The following SLC26A9 variants were observed in gnomAD, a reference collection of about 807,000 sequenced individuals.
SLC26A9 encodes the protein solute carrier family 26 member 9.
SLC26A9 carries 46 observed loss-of-function variants against 87.1 expected under a neutral mutation model. The ratio of observed to expected loss-of-function variants is 0.53; its 90% confidence interval spans 0.42 to 0.67. SLC26A9 has a LOEUF of 0.67. Among genes scored for constraint, SLC26A9 ranks in the 30% least tolerant of loss-of-function variants. The pLI, the probability that SLC26A9 is intolerant of heterozygous loss-of-function variation, is 0.00. For synonymous variants in SLC26A9, 437 were observed against 409.1 expected, an observed-to-expected ratio of 1.07 and a Z score of -0.82; for missense variants, 927 against 1,018.3, an observed-to-expected ratio of 0.91 and a Z score of 1.22.
chr1:205,915,261 T>C lies in SLC26A9; in HGVS notation c.*96A>G. ...AACCCAAGCTCTGGGGGATGCACTT[T>C]CCTCCGCCCGACACCCCCTGTGACC... On this transcript the variant is annotated 3_prime_UTR_variant, in exon 21 of 21. Transcript: ENST00000367135. 1 of 1,600,004 alleles carries C rather than the reference T, an allele frequency of 6.2e-7. No individual in the cohort carries two copies. The highest frequency in any genetic ancestry group is 8.5e-7 in the Non-Finnish European group (1 of 1,171,924).
Position 205,918,933 on chromosome 1 carries a change from T to G in SLC26A9, c.2163A>C (p.Leu721=). 2 of 1,614,240 alleles carry G rather than the reference T, an allele frequency of 1.2e-6. No homozygotes were observed. The highest frequency in any genetic ancestry group is 1.7e-6 in the Non-Finnish European group (2 of 1,180,032). Residue 721 remains leucine (L), a synonymous_variant, in exon 19 of 21, where the codon CTA becomes CTC. Transcript: ENST00000367135. ...TGCTGGGAAAGACGTGCTTGCATTC[T>G]AGACTCCCATCCTCAAAGACGCCTC... ...SHGGVFEDGS[L]ECKHVFPSIH...
chr1:205,935,798 T>C lies in SLC26A9; in HGVS notation c.23A>G (p.Tyr8Cys). Residue 8 changes from tyrosine to cysteine, a missense_variant, in exon 2 of 21, where the codon TAC becomes TGC. Tyr to Cys is a radical substitution (Grantham distance 194). Coordinates refer to ENST00000367135, the MANE Select transcript of SLC26A9 (RefSeq NM_052934.4). MSQPRPR[Y>C]VVDRAAYSLT... ...GGAGTATGCGGCTCTGTCTACCACG[T>C]AGCGGGGCCTGGGCTGGCTCATATC... 6.2e-7 allele frequency: 1 copy of C among 1,613,756 alleles called. No homozygotes were observed.
rs776566196 is a variant in SLC26A9 at position 205,915,095 on chromosome 1, T to C, written c.*262A>G. The C allele has an allele frequency of 5.6e-6, 9 of 1,614,008 alleles. No individual in the cohort carries two copies. Among genetic ancestry groups the C allele is most frequent in the Non-Finnish European group, 5.1e-6 (6 of 1,179,962 alleles). Reference sequence around the variant, plus strand: ...GTGGAGTGAGCAGGAGGCTTGTCCATTGCGGCCAGGGCCTGACGGGTGAAG... The same window carrying C: ...GTGGAGTGAGCAGGAGGCTTGTCCACTGCGGCCAGGGCCTGACGGGTGAAG... On this transcript the variant is annotated 3_prime_UTR_variant, in exon 21 of 21. Coordinates refer to ENST00000367135, the MANE Select transcript of SLC26A9 (RefSeq NM_052934.4).
chr1:205,928,847 G>T lies in SLC26A9; in HGVS notation c.933C>A (p.Ile311=). 1 of 1,614,142 alleles carries T rather than the reference G, an allele frequency of 6.2e-7. No homozygotes were observed. The highest frequency in any genetic ancestry group is 8.5e-7 in the Non-Finnish European group (1 of 1,180,028). Residue 311 remains isoleucine (I), a synonymous_variant, in exon 8 of 21, where the codon ATC becomes ATA. Coordinates refer to ENST00000367135, the MANE Select transcript of SLC26A9 (RefSeq NM_052934.4). The part of the protein sequence containing the change: ...CKMPKKYHMQ[I]VGEIQRGFPT... ...CTCACCCGCGTTGGATTTCTCCCAC[G>T]ATCTGCATGTGATACTTTTTGGGCA...
At position 205,926,478 on chromosome 1, in the gene SLC26A9, G is replaced by A; in HGVS notation, c.1389+57C>T. ...GTTAGGACAGGGCTGACAGGGCTGT[G>A]GGGTTGGAGGAGAGGGCAGGGGCAT... is the stretch of plus-strand genomic sequence containing the variant. On this transcript the variant is annotated intron_variant, in intron 12 of 20. Transcript: ENST00000367135. The A allele has an allele frequency of 3.6e-6, 5 of 1,388,244 alleles. No individual in the cohort carries two copies. In the South Asian group the frequency reaches 5.8e-5, roughly 16 times the overall value. 86.0% of individuals were successfully genotyped at this position (1,388,244 alleles called of 1,614,324 possible).
rs1269392034 is a variant in SLC26A9, at chr1:205,915,410, G to A, written c.2329-6C>T. 6.2e-7 allele frequency: 1 copy of A among 1,614,000 alleles called. No homozygotes were observed. Among genetic ancestry groups the A allele is most frequent in the Admixed American group, 1.7e-5 (1 of 60,010 alleles). On this transcript the variant is annotated splice_polypyrimidine_tract_variant and splice_region_variant and intron_variant, in intron 20 of 20. Transcript: ENST00000367135. ...AACATGCTCCCGAACATCTCCTGCA[G>A]GAACCACAGGAAGGAAGTGGGAGGG...
At chr1:205,929,407 T>A in intron 6 of SLC26A9, 51 bp from the exon 7 acceptor site, 1 of 1,594,376 alleles carries the variant, frequency 6.3e-7, no homozygotes, top group Non-Finnish European at 8.6e-7. Context: ...CTTCCCATAA[T>A]ACCCCACCTT....
Position 205,933,093 on chromosome 1 carries a change from G to A in SLC26A9, c.126-9C>T. On this transcript the variant is annotated splice_polypyrimidine_tract_variant and intron_variant, in intron 2 of 20. Transcript: ENST00000367135. Reference sequence around the variant, plus strand: ...TCTTGGCTGAGGAACATCTGGAAGGGAACGGGGAAAATTTCCAGTCGGCTC... The same window carrying A: ...TCTTGGCTGAGGAACATCTGGAAGGAAACGGGGAAAATTTCCAGTCGGCTC... 15 of 1,614,208 alleles carry A rather than the reference G, an allele frequency of 9.3e-6. No individual in the cohort carries two copies. Among genetic ancestry groups the A allele is most frequent in the Non-Finnish European group, 1.3e-5 (15 of 1,180,024 alleles).
At chr1:205,936,509 C>A (rs1659515818) in intron 1 of SLC26A9, among the ~76,000 whole-genome samples, 2 of 152,260 alleles carry the variant, frequency 1.3e-5, no homozygotes, top group African/African-American at 4.8e-5. Flanking sequence ...CTCCTCCTCA[C>A]TTTTTGCGCA....
chr1:205,927,830 C>CA (rs1462976748), intron 9 of SLC26A9, 72 bp downstream of exon 9: 84 of 1,572,166 alleles, frequency 5.3e-5, no homozygotes, highest in Non-Finnish European at 7.0e-5. Context: ...ATGATCTCCC[C>CA]ACCCAAGATA....
rs543076292 is a variant in SLC26A9 at position 205,931,490 on chromosome 1, G to A, written c.552+370C>T. On this transcript the variant is annotated intron_variant, in intron 5 of 20. Coordinates refer to ENST00000367135, the MANE Select transcript of SLC26A9 (RefSeq NM_052934.4). ...GTTTTTTTTTTTTTTTTTTTGAGACGGAGTCTCGCTCTGTCACCCAGGCTG... is the reference window on the plus strand; with the variant it reads ...GTTTTTTTTTTTTTTTTTTTGAGACAGAGTCTCGCTCTGTCACCCAGGCTG... 1.1e-3 allele frequency among the ~76,000 whole-genome samples: 39 copies of A among 34,638 alleles called. No homozygotes were observed. The East Asian group carries it at 0.065, about 57-fold the overall frequency. 22.7% of individuals were successfully genotyped at this position (34,638 alleles called of 152,430 possible). A position where few individuals can be genotyped will look rare whatever the true frequency, so the allele number is the denominator to read the frequency against.
intron 18 of SLC26A9, 95 bp downstream of exon 18, chr1:205,920,081 G>A (rs1241778660): frequency 2.0e-5 from 29 of 1,449,696 alleles, no homozygotes; most frequent in Middle Eastern, 2.2e-4. Context: ...GGGTGCTCTC[G>A]TTTCCAACCT....
At chr1:205,921,998 G>C in intron 16 of SLC26A9, 151 bp from the exon 17 acceptor site, 2 of 1,103,652 alleles carry the variant, frequency 1.8e-6, no homozygotes, top group South Asian at 1.6e-5. Flanking sequence ...CCACCAGAGA[G>C]GCCTCTCCCA....
chr1:205,920,162 C>T lies in SLC26A9; in HGVS notation c.2110+14G>A. The T allele has an allele frequency of 1.2e-6, 2 of 1,613,782 alleles. No homozygotes were observed. The highest frequency in any genetic ancestry group is 1.7e-6 in the Non-Finnish European group (2 of 1,179,718). On this transcript the variant is annotated intron_variant, in intron 18 of 20. Coordinates refer to ENST00000367135, the MANE Select transcript of SLC26A9 (RefSeq NM_052934.4). The stretch of plus-strand genomic sequence containing the variant: ...TGCCAGTCTTTCAGTCCCTAAATGT[C>T]CTCTTTCTCTTACCATGGATGTTCA...
At chr1:205,922,465 C>T (rs547871562) in intron 16 of SLC26A9, among the ~76,000 whole-genome samples, 6 of 152,310 alleles carry the variant, frequency 3.9e-5, no homozygotes, top group African/African-American at 1.4e-4. Context: ...CCTGGGCTGC[C>T]TGGGTTCCCC....
Position 205,933,828 on chromosome 1 carries a change from C to T in SLC26A9, c.126-744G>A, listed in dbSNP as rs538050532. On this transcript the variant is annotated intron_variant, in intron 2 of 20. Transcript: ENST00000367135. ...GAGGAGGGAAGAATTCATTGGTCAA[C>T]GCAGGGTGGGGAGAGTTGATCCCTT... Among the ~76,000 whole-genome samples the T allele has an allele frequency of 3.3e-5, 5 of 152,228 alleles. No homozygotes were observed. The East Asian group carries it at 5.8e-4, about 18-fold the overall frequency.
chr1:205,919,503 T>C (rs1658733136), intron 18 of SLC26A9, among the ~76,000 whole-genome samples: 2 of 152,164 alleles, frequency 1.3e-5, no homozygotes, highest in South Asian at 4.1e-4. Flanking sequence ...AACGTGGCCA[T>C]GCGGAGCTTG....
At position 205,914,985 on chromosome 1, in the gene SLC26A9, C is replaced by T; in HGVS notation, c.*372G>A. On this transcript the variant is annotated 3_prime_UTR_variant, in exon 21 of 21. Coordinates refer to ENST00000367135, the MANE Select transcript of SLC26A9 (RefSeq NM_052934.4). ...TGTACAGCAGGCCAGCACAGTTGTACTTGTCCTTCTGTTTTTGGCTCACTC... is the reference window on the plus strand; with the variant it reads ...TGTACAGCAGGCCAGCACAGTTGTATTTGTCCTTCTGTTTTTGGCTCACTC... The T allele has an allele frequency of 2.5e-6, 4 of 1,614,214 alleles. No individual in the cohort carries two copies. Among genetic ancestry groups the T allele is most frequent in the Non-Finnish European group, 3.4e-6 (4 of 1,180,034 alleles).
chr1:205,923,491 T>C, intron 14 of SLC26A9, 53 bp downstream of exon 14: 1 of 1,613,880 alleles, frequency 6.2e-7, no homozygotes, highest in Non-Finnish European at 8.5e-7. Context: ...AAGCAACCTC[T>C]TCTTGGGGTG....
Sources: gnomAD v4.1 joint callset for allele counts (sites outside exome capture counted in the v4.1 genomes callset) on GRCh38, gnomAD v4.1.1 for gene constraint, MANE v1.5 for transcripts, NCBI Gene and HGNC (gene_info 2026-07-23, HGNC 2026-07-21) for gene names.